The following TMEM184B variants were observed in gnomAD, a reference collection of about 807,000 sequenced individuals.
TMEM184B encodes putative MAPK-activating protein FM08.
A neutral mutation model predicts 41.8 loss-of-function variants in TMEM184B; 17 were observed. The ratio of observed to expected loss-of-function variants is 0.41; its 90% CI spans 0.28 to 0.61. The LOEUF is 0.61. TMEM184B is among the 20% of genes least tolerant of loss of function. The pLI is 0.34. For synonymous variants in TMEM184B, 240 were observed against 229.5 expected (o/e 1.05, Z -0.41); for missense variants, 393 against 557.8 (o/e 0.70, Z 2.98).
chr22:38,228,506 C>T (rs564757212), intron 5 of TMEM184B, among the ~76,000 whole-genome samples: 164 of 152,326 alleles, frequency 1.1e-3, no homozygotes, highest in African/African-American at 3.7e-3. Flanking sequence ...CTGGGCTGGA[C>T]ATCAGAACCC....
intron 1 of TMEM184B, among the ~76,000 whole-genome samples, chr22:38,258,300 AT>A (rs752882414): frequency 0.035 from 4,976 of 141,124 alleles, 60 homozygotes; most frequent in Middle Eastern, 0.065. Context: ...ATTTTTCCAA[AT>A]TTTTTTTTTT....
Position 38,246,040 on chromosome 22 carries a change from G to A in TMEM184B, c.253C>T (p.Leu85Phe). The change falls in exon 3 of 9, where the codon CTC (leucine) becomes TTC (phenylalanine). Residue 85 changes from leucine (L) to phenylalanine (F), a missense_variant. Leu to Phe is a conservative substitution (Grantham distance 22, BLOSUM62 0). Transcript: ENST00000361906. ...AAGGCGTAGATGGGCACGATGAAGAGGATGCGCACGATGTAGCGCTGCTCG... is the reference window on the plus strand; with the variant it reads ...AAGGCGTAGATGGGCACGATGAAGAAGATGCGCACGATGTAGCGCTGCTCG... ...PNEQRYIVRI[L>F]FIVPIYAFDS... 6.2e-7 allele frequency: 1 copy of A among 1,613,572 alleles called. No individual in the cohort carries two copies.
intron 1 of TMEM184B, 168 bp downstream of exon 1, chr22:38,272,716 C>T (rs1021947715): frequency 2.0e-6 from 2 of 985,384 alleles, no homozygotes; most frequent in Non-Finnish European, 2.4e-6. Context: ...GACGGATGCC[C>T]CCTCCCTCCG....
intron 1 of TMEM184B, among the ~76,000 whole-genome samples, chr22:38,262,942 G>A (rs2092392388): frequency 6.6e-6 from 1 of 152,152 alleles, no homozygotes; most frequent in Admixed American, 6.5e-5. Context: ...TCGCTCTGTA[G>A]CTCAGGCTGG....
intron 3 of TMEM184B, among the ~76,000 whole-genome samples, chr22:38,242,092 C>T (rs1416585917): frequency 6.6e-6 from 1 of 151,824 alleles, no homozygotes; most frequent in African/African-American, 2.4e-5. Flanking sequence ...AGGGGAGTTT[C>T]GTGTTTCAAC....
intron 1 of TMEM184B, among the ~76,000 whole-genome samples, chr22:38,262,072 C>T (rs953910923): frequency 2.6e-5 from 4 of 152,198 alleles, no homozygotes; most frequent in African/African-American, 4.8e-5. Flanking sequence ...TGAACTCCTA[C>T]GCAGCAGAGA....
At chr22:38,248,347 T>C (rs2092086935) in intron 1 of TMEM184B, among the ~76,000 whole-genome samples, 1 of 152,228 alleles carries the variant, frequency 6.6e-6, no homozygotes. Flanking sequence ...AAGGACTCGA[T>C]GGGACCTCCT....
chr22:38,220,208 A>G lies in TMEM184B; in HGVS notation c.*1261T>C. The G allele has an allele frequency of 2.0e-6, 2 of 984,946 alleles. No homozygotes were observed. Among genetic ancestry groups the G allele is most frequent in the Non-Finnish European group, 2.4e-6 (2 of 829,796 alleles). The allele number at this position is 984,946 out of a possible 1,614,324, so 61.0% of individuals were successfully genotyped here. ...GGGGTTCCGGAGGCCCCAGGTCTAG[A>G]GGTGTGGAGGGGGAGAGGAGGGGCT... On this transcript the variant is annotated 3_prime_UTR_variant, in exon 9 of 9. Transcript: ENST00000361906.
chr22:38,241,234 G>C (rs2091899545), intron 3 of TMEM184B, among the ~76,000 whole-genome samples: 2 of 152,206 alleles, frequency 1.3e-5, no homozygotes, highest in Admixed American at 1.3e-4. Flanking sequence ...GGATTGGCCT[G>C]GCTTTACTGA....
intron 8 of TMEM184B, 117 bp from the exon 9 acceptor site, chr22:38,221,827 C>T (rs1168665952): frequency 3.6e-6 from 5 of 1,403,610 alleles, no homozygotes; most frequent in Non-Finnish European, 4.8e-6. Flanking sequence ...CTATGCCCTT[C>T]AACCATCCCT....
intron 1 of TMEM184B, among the ~76,000 whole-genome samples, chr22:38,260,482 G>A (rs960172763): frequency 2.0e-5 from 3 of 152,094 alleles, no homozygotes; most frequent in African/African-American, 7.2e-5. Context: ...TGGTTCTTCC[G>A]ACTGCCACTG....
In TMEM184B at chr22:38,271,897, G is replaced by A. The variant is rs1451434569; in HGVS notation, c.-59+987C>T. ...GACACTGTAGGCATAACCTGTCAAC[G>A]AAGTCACACCTCTGAGACCTGCGCT... On this transcript the variant is annotated intron_variant, in intron 1 of 8. Transcript: ENST00000361906. 3.3e-5 allele frequency among the ~76,000 whole-genome samples: 5 copies of A among 152,326 alleles called. No homozygotes were observed. In the South Asian group the frequency reaches 6.2e-4, roughly 19 times the overall value.
intron 1 of TMEM184B, among the ~76,000 whole-genome samples, chr22:38,268,208 C>T (rs1431476052): frequency 1.3e-5 from 2 of 151,858 alleles, no homozygotes; most frequent in South Asian, 2.1e-4. Context: ...TGGTGAAACC[C>T]CATCTCTACT....
At chr22:38,256,848 A>G (rs1312191840) in intron 1 of TMEM184B, among the ~76,000 whole-genome samples, 1 of 152,200 alleles carries the variant, frequency 6.6e-6, no homozygotes, top group Non-Finnish European at 1.5e-5. Flanking sequence ...ATTTTGAAAT[A>G]ATCGTAGGTT....
chr22:38,245,975 C>T lies in TMEM184B; in HGVS notation c.318G>A (p.Gln106=), dbSNP rs1322256750. The T allele has an allele frequency of 1.3e-6, 2 of 1,551,802 alleles. No individual in the cohort carries two copies. The highest frequency in any genetic ancestry group is 2.2e-5 in the South Asian group (2 of 90,350). The change falls in exon 3 of 9, where the codon CAG becomes CAA. Residue 106 remains glutamine, a synonymous_variant. Coordinates refer to ENST00000361906, the MANE Select transcript of TMEM184B (RefSeq NM_012264.5). The part of the protein sequence containing the change: ...WLSLLFFTND[Q]YYVYFGTVRD... ...GGACGGTGCCGAAGTACACGTAGTA[C>T]TGGTCGTTGGTGAAGAAGAGGAGGC...
At chr22:38,269,809 A>G (rs73154458) in intron 1 of TMEM184B, among the ~76,000 whole-genome samples, 2 of 152,032 alleles carry the variant, frequency 1.3e-5, no homozygotes, top group African/African-American at 4.8e-5. Context: ...TGAGTCACAC[A>G]GGGTCTTCAA....
At position 38,219,916 on chromosome 22, in the gene TMEM184B, AAGG is replaced by A. The variant is rs1326566747; in HGVS notation, c.*1550_*1552del. ...TGCAGGCCTCTGCCACGAGGAAAGGAAGGAGGCCAGGAAGACGGCTGGGCCCCA... is the reference window on the plus strand; with the variant it reads ...TGCAGGCCTCTGCCACGAGGAAAGGAAGGCCAGGAAGACGGCTGGGCCCCA... On this transcript the variant is annotated 3_prime_UTR_variant, in exon 9 of 9. Transcript: ENST00000361906. 1.0e-6 allele frequency: 1 copy of A among 984,904 alleles called. No individual in the cohort carries two copies. The highest frequency in any genetic ancestry group is 1.2e-6 in the Non-Finnish European group (1 of 829,816). The allele number at this position is 984,904 out of a possible 1,614,324, so 61.0% of individuals were successfully genotyped here. A position where few individuals can be genotyped will look rare whatever the true frequency, so the allele number is the denominator to read the frequency against.
chr22:38,231,669 G>C, intron 3 of TMEM184B: 1 of 478,464 alleles, frequency 2.1e-6, no homozygotes, highest in South Asian at 2.0e-5. Flanking sequence ...AGGTTTGGGA[G>C]GGCTGGCAGT....
intron 3 of TMEM184B, among the ~76,000 whole-genome samples, chr22:38,243,723 G>A (rs1367855522): frequency 6.6e-6 from 1 of 152,172 alleles, no homozygotes; most frequent in Non-Finnish European, 1.5e-5. Flanking sequence ...AGCATGGGAT[G>A]TTACTGAGGC....
Sources: allele counts gnomAD v4.1 joint callset (sites outside exome capture counted in the v4.1 genomes callset), GRCh38; gene constraint gnomAD v4.1.1; transcripts MANE v1.5; gene names NCBI Gene and HGNC (gene_info 2026-07-23, HGNC 2026-07-21).